Variants in NUP98 observed in about 807,000 individuals in gnomAD.
NUP98 encodes nuclear pore complex protein Nup98-Nup96.
NUP98 carries 26 observed loss-of-function variants against 191.9 expected under a neutral mutation model. The ratio of observed to expected loss-of-function variants is 0.14; its 90% CI spans 0.10 to 0.19. NUP98 has a LOEUF of 0.19. NUP98 is among the 10% of genes least tolerant of loss of function. NUP98 has a pLI of 1.00. For synonymous variants in NUP98, 808 were observed against 778.4 expected (o/e 1.04, Z -0.63); for missense variants, 1,941 against 2,178.8 (o/e 0.89, Z 2.17).
At chr11:3,747,638 T>C (rs927588040) in intron 11 of NUP98, among the ~76,000 whole-genome samples, 2 of 152,216 alleles carry the variant, frequency 1.3e-5, no homozygotes, top group Admixed American at 6.5e-5. Context: ...AAATATCTTA[T>C]GTATCTGTAC....
chr11:3,686,918 C>T (rs963766103), intron 28 of NUP98, among the ~76,000 whole-genome samples: 18 of 151,992 alleles, frequency 1.2e-4, no homozygotes, highest in African/African-American at 4.1e-4. Context: ...ACCCAGGAGG[C>T]GGAGGTTGTG....
intron 17 of NUP98, 47 bp downstream of exon 17, chr11:3,720,665 A>C (rs2134212554): frequency 1.0e-6 from 1 of 997,382 alleles, no homozygotes; most frequent in Middle Eastern, 2.1e-4. Flanking sequence ...TACAAAAATA[A>C]GGTGCAACTC....
intron 10 of NUP98, among the ~76,000 whole-genome samples, chr11:3,759,306 G>A (rs1046154491): frequency 6.6e-6 from 1 of 152,084 alleles, no homozygotes; most frequent in African/African-American, 2.4e-5. Context: ...AAGATATATT[G>A]AAAATATTGA....
At chr11:3,749,520 G>A (rs2080658770) in intron 11 of NUP98, among the ~76,000 whole-genome samples, 1 of 152,182 alleles carries the variant, frequency 6.6e-6, no homozygotes, top group African/African-American at 2.4e-5. Flanking sequence ...AGCTACATGG[G>A]AGGCTGAGGC....
At chr11:3,739,279 T>C (rs1256298853) in intron 12 of NUP98, among the ~76,000 whole-genome samples, 1 of 152,210 alleles carries the variant, frequency 6.6e-6, no homozygotes, top group Non-Finnish European at 1.5e-5. Flanking sequence ...AGACAGAGTC[T>C]TGCTGTGTCA....
At chr11:3,726,780 T>A (rs1225765288) in intron 14 of NUP98, among the ~76,000 whole-genome samples, 1 of 151,640 alleles carries the variant, frequency 6.6e-6, no homozygotes, top group Non-Finnish European at 1.5e-5. Flanking sequence ...TTACCAACTT[T>A]TCTTTCTTTT....
chr11:3,730,105 C>T (rs1208448319), intron 14 of NUP98, among the ~76,000 whole-genome samples: 2 of 151,592 alleles, frequency 1.3e-5, no homozygotes, highest in Non-Finnish European at 2.9e-5. Flanking sequence ...CATGGTGGCA[C>T]GTGCCTGTAG....
intron 1 of NUP98, among the ~76,000 whole-genome samples, chr11:3,784,279 TA>T (rs1458650328): frequency 5.9e-5 from 9 of 152,174 alleles, no homozygotes; most frequent in African/African-American, 1.9e-4. Context: ...GGCTGTCCCT[TA>T]AATAAATGCT....
intron 8 of NUP98, among the ~76,000 whole-genome samples, chr11:3,765,275 C>A (rs2081298770): frequency 6.6e-6 from 1 of 152,156 alleles, no homozygotes; most frequent in Non-Finnish European, 1.5e-5. Flanking sequence ...GATCATAGTG[C>A]ACCACAGCTT....
At chr11:3,742,296 G>C (rs886350849) in intron 12 of NUP98, among the ~76,000 whole-genome samples, 1 of 152,202 alleles carries the variant, frequency 6.6e-6, no homozygotes, top group African/African-American at 2.4e-5. Flanking sequence ...AGTTGTAACA[G>C]AATCATTTGC....
intron 8 of NUP98, among the ~76,000 whole-genome samples, chr11:3,764,870 G>A (rs1347923769): frequency 1.3e-5 from 2 of 152,174 alleles, no homozygotes; most frequent in Admixed American, 6.5e-5. Context: ...GAGCCACCGC[G>A]CCCAGCCTGT....
chr11:3,722,417 C>A (rs1026063807), intron 16 of NUP98, among the ~76,000 whole-genome samples: 5 of 151,966 alleles, frequency 3.3e-5, no homozygotes, highest in Non-Finnish European at 7.4e-5. Flanking sequence ...GGGATTCTTA[C>A]TGTCAAAGTA....
At chr11:3,769,191 A>G (rs902106558) in intron 7 of NUP98, among the ~76,000 whole-genome samples, 2 of 152,180 alleles carry the variant, frequency 1.3e-5, no homozygotes, top group Middle Eastern at 3.2e-3. Context: ...TTGGGAGGCC[A>G]AGGCAGGAGG....
chr11:3,776,801 A>AT (rs79349987), intron 4 of NUP98, among the ~76,000 whole-genome samples: 152,166 of 152,172 alleles, frequency 1, 76,080 homozygotes, highest in Middle Eastern at 1. Flanking sequence ...CCAAATAGAA[A>AT]TTCATACAGA....
rs529249599 is a variant in NUP98, at chr11:3,758,593, T to C, written c.1174+1946A>G. On this transcript the variant is annotated intron_variant, in intron 10 of 32. Coordinates refer to ENST00000324932, the MANE Select transcript of NUP98 (RefSeq NM_016320.5). ...TGAGGTCAGGAGTTCAAAACCAGCCTCGCCAACACGGTGAAACCCCATCTC... is the reference window on the plus strand; with the variant it reads ...TGAGGTCAGGAGTTCAAAACCAGCCCCGCCAACACGGTGAAACCCCATCTC... Among the ~76,000 whole-genome samples the C allele has an allele frequency of 2.0e-5, 3 of 152,236 alleles. No homozygotes were observed. In the South Asian group the frequency reaches 6.2e-4, roughly 32 times the overall value.
At chr11:3,722,317 T>C (rs1231439091) in intron 16 of NUP98, among the ~76,000 whole-genome samples, 1 of 151,936 alleles carries the variant, frequency 6.6e-6, no homozygotes, top group African/African-American at 2.4e-5. Flanking sequence ...GGTCTTGCTA[T>C]GTTGCCCAGA....
intron 25 of NUP98, among the ~76,000 whole-genome samples, chr11:3,698,848 C>T (rs1331917418): frequency 1.3e-5 from 2 of 151,820 alleles, no homozygotes; most frequent in East Asian, 2.0e-4. Flanking sequence ...TGAGCCCAGC[C>T]GCACTATGTC....
At chr11:3,702,421 T>C (rs369347978) in intron 23 of NUP98, 42 bp downstream of exon 23, 6 of 1,564,358 alleles carry the variant, frequency 3.8e-6, no homozygotes, top group South Asian at 2.3e-5. Flanking sequence ...TTTTCACCTA[T>C]CATGTTGCCT....
intron 5 of NUP98, among the ~76,000 whole-genome samples, chr11:3,775,314 G>C (rs1463206855): frequency 6.6e-6 from 1 of 152,150 alleles, no homozygotes; most frequent in Non-Finnish European, 1.5e-5. Flanking sequence ...CAGATCACCT[G>C]AGGTCAGCAG....
Sources: gnomAD v4.1 joint callset for allele counts (sites outside exome capture counted in the v4.1 genomes callset) on GRCh38, gnomAD v4.1.1 for gene constraint, MANE v1.5 for transcripts, NCBI Gene and HGNC (gene_info 2026-07-23, HGNC 2026-07-21) for gene names.